ZNF33B: variants seen among roughly 807,000 people sequenced by gnomAD.
ZNF33B encodes zinc finger protein 33B.
ZNF33B carries 29 observed loss-of-function variants against 45.8 expected under a neutral mutation model. The ratio of observed to expected loss-of-function variants is 0.63; its 90% CI spans 0.47 to 0.86. ZNF33B has a LOEUF of 0.86. Among genes scored for constraint, ZNF33B ranks in the 40% least tolerant of loss-of-function variants. ZNF33B has a pLI of 0.00. For synonymous variants in ZNF33B, 305 were observed against 307.8 expected, an observed-to-expected ratio of 0.99 and a Z score of 0.10; for missense variants, 831 against 909.9, an observed-to-expected ratio of 0.91 and a Z score of 1.12.
intron 3 of ZNF33B, 94 bp downstream of exon 3, chr10:42,632,201 C>A (rs1246907684): frequency 2.6e-6 from 4 of 1,540,612 alleles, no homozygotes; most frequent in Non-Finnish European, 3.5e-6. Flanking sequence ...TAACCTAAGC[C>A]TAAATAATGT....
At chr10:42,586,687 T>C (rs141170404), downstream of ZNF33B, among the ~76,000 whole-genome samples, 31 of 152,340 alleles carry the variant, frequency 2.0e-4, no homozygotes, top group East Asian at 6.0e-3. Flanking sequence ...CTGACAAATG[T>C]CTTAAGCAGC....
chr10:42,607,703 T>C (rs1317300443), intron 4 of ZNF33B, among the ~76,000 whole-genome samples: 1 of 152,148 alleles, frequency 6.6e-6, no homozygotes, highest in African/African-American at 2.4e-5. Context: ...GAAAATATTG[T>C]TTTTCCACTT....
chr10:42,586,915 G>T (rs1345702185), downstream of ZNF33B, among the ~76,000 whole-genome samples: 1 of 152,152 alleles, frequency 6.6e-6, no homozygotes, highest in African/African-American at 2.4e-5. Flanking sequence ...CTGGAGGCAG[G>T]GAAGTCCAAG....
chr10:42,634,785 G>C (rs1839213855), intron 2 of ZNF33B, among the ~76,000 whole-genome samples: 1 of 152,222 alleles, frequency 6.6e-6, no homozygotes, highest in Non-Finnish European at 1.5e-5. Flanking sequence ...TCCAATGAAA[G>C]AGAGGTAAAT....
At chr10:42,601,632 C>T (rs1837627315) in intron 4 of ZNF33B, among the ~76,000 whole-genome samples, 1 of 151,834 alleles carries the variant, frequency 6.6e-6, no homozygotes, top group African/African-American at 2.4e-5. Flanking sequence ...TGCCACCACA[C>T]CCGGCTAATT....
At chr10:42,585,071 A>T (rs1326136164), downstream of ZNF33B, among the ~76,000 whole-genome samples, 1 of 152,188 alleles carries the variant, frequency 6.6e-6, no homozygotes, top group Non-Finnish European at 1.5e-5. Context: ...ACAAGGGGAG[A>T]CACCATGTCC....
At chr10:42,602,741 T>C (rs1248568427) in intron 4 of ZNF33B, among the ~76,000 whole-genome samples, 1 of 152,214 alleles carries the variant, frequency 6.6e-6, no homozygotes. Context: ...CTCTGAATTA[T>C]GAGTTTTTCC....
At chr10:42,627,605 A>G (rs1357418883) in intron 4 of ZNF33B, among the ~76,000 whole-genome samples, 1 of 152,160 alleles carries the variant, frequency 6.6e-6, no homozygotes, top group Non-Finnish European at 1.5e-5. Context: ...TTCTTAAGGT[A>G]GAAAGTCAAT....
At chr10:42,618,872 T>C (rs1020771090) in intron 4 of ZNF33B, among the ~76,000 whole-genome samples, 8 of 152,316 alleles carry the variant, frequency 5.3e-5, no homozygotes, top group African/African-American at 1.9e-4. Context: ...TTTCATTATT[T>C]TACTGGCTCT....
At chr10:42,633,255 T>C (rs1376445415) in intron 2 of ZNF33B, among the ~76,000 whole-genome samples, 1 of 152,208 alleles carries the variant, frequency 6.6e-6, no homozygotes, top group African/African-American at 2.4e-5. Context: ...ACTATTATAC[T>C]TGAAACCTCT....
intron 4 of ZNF33B, among the ~76,000 whole-genome samples, chr10:42,608,499 G>C (rs1193618388): frequency 1.3e-5 from 2 of 151,954 alleles, no homozygotes; most frequent in African/African-American, 4.8e-5. Flanking sequence ...AAGGAATTTT[G>C]AGAATGCACA....
Position 42,614,954 on chromosome 10 carries a change from A to G in ZNF33B, c.250+16975T>C, listed in dbSNP as rs550718129. 2.0e-5 allele frequency among the ~76,000 whole-genome samples: 3 copies of G among 152,324 alleles called. No homozygotes were observed. The East Asian group carries it at 5.8e-4, about 29-fold the overall frequency. On this transcript the variant is annotated intron_variant, in intron 4 of 4. Transcript: ENST00000359467. ...GGCAACAGAGCGAGATTCCATCTCA[A>G]AAAGAAAAAAAAAAAGACATTCAAC...
At chr10:42,616,740 G>C (rs1424369278) in intron 4 of ZNF33B, among the ~76,000 whole-genome samples, 1 of 152,148 alleles carries the variant, frequency 6.6e-6, no homozygotes, top group African/African-American at 2.4e-5. Context: ...TCTGTCGCCA[G>C]GCTGGAGTGT....
chr10:42,637,035 C>T (rs747276481), intron 1 of ZNF33B, 63 bp from the exon 2 acceptor site: 3 of 1,555,010 alleles, frequency 1.9e-6, no homozygotes, highest in Non-Finnish European at 2.7e-6. Flanking sequence ...CTCCCGGATT[C>T]TTCTGCCCTA....
downstream of ZNF33B, among the ~76,000 whole-genome samples, chr10:42,588,436 G>C (rs1441934941): frequency 2.6e-5 from 4 of 152,240 alleles, no homozygotes; most frequent in Admixed American, 6.5e-5. Flanking sequence ...AATTGGACTA[G>C]ACGACCCTGG....
downstream of ZNF33B, among the ~76,000 whole-genome samples, chr10:42,584,759 G>T (rs146066997): frequency 1.6e-4 from 24 of 152,252 alleles, no homozygotes; most frequent in East Asian, 4.6e-3. Flanking sequence ...GACCTCAGGC[G>T]ATCCACCCAC....
At chr10:42,619,556 T>A (rs1211445473) in intron 4 of ZNF33B, among the ~76,000 whole-genome samples, 2 of 152,106 alleles carry the variant, frequency 1.3e-5, no homozygotes, top group Non-Finnish European at 2.9e-5. Context: ...AATAAAGACT[T>A]CCAATAAAGT....
rs190688128 is a variant in ZNF33B at position 42,609,631 on chromosome 10, G to T, written c.251-14932C>A. Among the ~76,000 whole-genome samples, 18 of 152,090 alleles carry T rather than the reference G, an allele frequency of 1.2e-4. No individual in the cohort carries two copies. The East Asian group carries it at 3.5e-3, about 29-fold the overall frequency. ...AATCAGACATGAAAAAACTACAAAT[G>T]CATGTGTCATGATTACAGACCTATA... On this transcript the variant is annotated intron_variant, in intron 4 of 4. Coordinates refer to ENST00000359467, the MANE Select transcript of ZNF33B (RefSeq NM_006955.3).
chr10:42,582,798 A>G, intron 1 of ZNF33B: 1 of 229,636 alleles, frequency 4.4e-6, no homozygotes, highest in Non-Finnish European at 8.6e-6. Flanking sequence ...GGAGGACAGC[A>G]GCTCCAAGGA....
Sources: gnomAD v4.1 joint callset for allele counts (sites outside exome capture counted in the v4.1 genomes callset) on GRCh38, gnomAD v4.1.1 for gene constraint, MANE v1.5 for transcripts, NCBI Gene and HGNC (gene_info 2026-07-23, HGNC 2026-07-21) for gene names.